TF: variants seen among roughly 807,000 people sequenced by gnomAD.
TF encodes the protein serotransferrin.
In TF, 55 loss-of-function variants were observed where a neutral mutation model predicts 82.4. The observed-to-expected ratio is 0.67, with a 90% CI of 0.54 to 0.84. The LOEUF (loss-of-function observed/expected upper bound fraction) is 0.84. TF is among the 40% of genes least tolerant of loss of function. The pLI, the probability that TF is intolerant of heterozygous loss-of-function variation, is 0.00. For missense variants in TF, 737 were observed against 868.4 expected (o/e 0.85, Z 1.90); for synonymous variants, 332 against 332.6 (o/e 1.00, Z 0.02).
At position 133,788,434 on chromosome 3, in the gene TF, G is replaced by A. The variant is rs1412748319; in HGVS notation, c.*9814G>A. The A allele has an allele frequency of 6.6e-6, 1 of 152,220 alleles. No homozygotes were observed. Among genetic ancestry groups the A allele is most frequent in the Non-Finnish European group, 1.5e-5 (1 of 68,048 alleles). 9.4% of individuals were successfully genotyped at this position (152,220 alleles called of 1,614,324 possible). A position where few individuals can be genotyped will look rare whatever the true frequency, so the allele number is the denominator to read the frequency against. On this transcript the variant is annotated 3_prime_UTR_variant, in exon 17 of 17. Transcript: ENST00000402696. ...CTAAGCACAGGCCTTCTCCCACCCTGTGGAGCGTACTTTCATTTCATAAAT... is the reference window on the plus strand; with the variant it reads ...CTAAGCACAGGCCTTCTCCCACCCTATGGAGCGTACTTTCATTTCATAAAT...
the TF span, among the ~76,000 whole-genome samples, chr3:133,707,102 T>A: frequency 6.6e-6 from 1 of 151,700 alleles, no homozygotes; most frequent in African/African-American, 2.4e-5. Context: ...GCAAGCATAC[T>A]TAGAGGATGG....
chr3:133,724,291 A>G, the TF span, among the ~76,000 whole-genome samples: 3 of 152,126 alleles, frequency 2.0e-5, no homozygotes, highest in African/African-American at 4.8e-5. Flanking sequence ...AAGTGTTCCT[A>G]TTTCTCCACA....
the TF span, among the ~76,000 whole-genome samples, chr3:133,721,798 T>C: frequency 6.6e-6 from 1 of 152,220 alleles, no homozygotes; most frequent in South Asian, 2.1e-4. Flanking sequence ...ACAATTGTTA[T>C]ATCTTCTTGT....
rs1370328516 is a variant in TF, at chr3:133,775,626, C to A, written c.1872+9C>A. The A allele has an allele frequency of 5.6e-6, 9 of 1,613,474 alleles. No homozygotes were observed. The highest frequency in any genetic ancestry group is 7.6e-6 in the Non-Finnish European group (9 of 1,179,908). On this transcript the variant is annotated intron_variant, in intron 15 of 16. Transcript: ENST00000402696. ...TATTACGTCAACAGCAGGTATGGACCAGCCAGGTCCTCCCACCTTTTCTTC... is the reference window on the plus strand; with the variant it reads ...TATTACGTCAACAGCAGGTATGGACAAGCCAGGTCCTCCCACCTTTTCTTC...
the TF span, among the ~76,000 whole-genome samples, chr3:133,669,240 G>A: frequency 6.6e-6 from 1 of 152,020 alleles, no homozygotes; most frequent in Non-Finnish European, 1.5e-5. Flanking sequence ...GACCTCAGGC[G>A]ATCCACCCAC....
At chr3:133,663,485 G>GAAAAAA in the TF span, among the ~76,000 whole-genome samples, 34 of 150,146 alleles carry the variant, frequency 2.3e-4, no homozygotes, top group Admixed American at 4.0e-4. Context: ...CTAGAGGTGG[G>GAAAAAA]AAAAAAAAGA....
upstream of TF, among the ~76,000 whole-genome samples, chr3:133,743,219 C>T (rs551981986): frequency 2.6e-5 from 4 of 152,250 alleles, no homozygotes; most frequent in East Asian, 7.7e-4. Flanking sequence ...CATGGCTGCC[C>T]CAATGATCTT....
At chr3:133,761,623 G>A (rs1933997371) in intron 9 of TF, 1 of 152,306 alleles carries the variant, frequency 6.6e-6, no homozygotes, top group Non-Finnish European at 1.5e-5. Flanking sequence ...TTAAGTGTAT[G>A]AAATCAGTAG....
At chr3:133,741,400 A>AC (rs1933387139), upstream of TF, among the ~76,000 whole-genome samples, 1 of 152,124 alleles carries the variant, frequency 6.6e-6, no homozygotes, top group African/African-American at 2.4e-5. Context: ...CAATCCTTTT[A>AC]CTTACTATTT....
chr3:133,767,940 T>C (rs376556642), intron 12 of TF, 89 bp from the exon 13 acceptor site: 83 of 1,507,506 alleles, frequency 5.5e-5, no homozygotes, highest in African/African-American at 1.9e-4. Context: ...GTTCTACTTA[T>C]TATGGGCCAT....
At chr3:133,696,607 T>G in the TF span, among the ~76,000 whole-genome samples, 1 of 152,218 alleles carries the variant, frequency 6.6e-6, no homozygotes, top group South Asian at 2.1e-4. Flanking sequence ...TCAATTCTCT[T>G]AGTCATTGAA....
In TF at chr3:133,771,459, C is replaced by T. The variant is rs531508132; in HGVS notation, c.1687+887C>T. ...AAGCAAGAATCAATGGGTGTTAAGC[C>T]GGGCGCAGTGGCTCACGCCTGTAAT... On this transcript the variant is annotated intron_variant, in intron 14 of 16. Transcript: ENST00000402696. Among the ~76,000 whole-genome samples the T allele has an allele frequency of 9.9e-5, 15 of 152,188 alleles. No individual in the cohort carries two copies. In the South Asian group the frequency reaches 1.7e-3, roughly 17 times the overall value.
intron 13 of TF, 129 bp downstream of exon 13, chr3:133,768,293 C>A: frequency 1.5e-6 from 2 of 1,315,808 alleles, no homozygotes; most frequent in Non-Finnish European, 2.1e-6. Flanking sequence ...GTATATTTCA[C>A]AACCAGATAT....
At chr3:133,737,493 C>CA in the TF span, among the ~76,000 whole-genome samples, 3 of 142,970 alleles carry the variant, frequency 2.1e-5, no homozygotes, top group Admixed American at 1.4e-4. Flanking sequence ...GGTAGAGACA[C>CA]ACAAAAAAAA....
the TF span, among the ~76,000 whole-genome samples, chr3:133,687,509 A>C: frequency 6.6e-6 from 1 of 152,214 alleles, no homozygotes; most frequent in South Asian, 2.1e-4. Flanking sequence ...TACAACCATC[A>C]TCTCTATCTA....
chr3:133,758,450 T>C (rs1156464947), intron 8 of TF, among the ~76,000 whole-genome samples: 1 of 152,212 alleles, frequency 6.6e-6, no homozygotes, highest in Non-Finnish European at 1.5e-5. Context: ...GGACATAGGA[T>C]GGCATGACAA....
At position 133,769,095 on chromosome 3, in the gene TF, C is replaced by T. The variant is rs907997052; in HGVS notation, c.1622+931C>T. Among the ~76,000 whole-genome samples, 98 of 152,090 alleles carry T rather than the reference C, an allele frequency of 6.4e-4. 5 individuals carry two copies. Among genetic ancestry groups the T allele is most frequent in the Non-Finnish European group, 2.9e-5 (2 of 68,010 alleles). ...CAGGCGTGGGCCACGTCTGGCCCTA[C>T]CTTATTACTTTTTAACTACCCATTC... On this transcript the variant is annotated intron_variant, in intron 13 of 16. Transcript: ENST00000402696.
At chr3:133,662,690 A>T in the TF span, among the ~76,000 whole-genome samples, 1 of 152,094 alleles carries the variant, frequency 6.6e-6, no homozygotes, top group East Asian at 1.9e-4. Flanking sequence ...AACCTTAGTG[A>T]TAACCAGCGG....
intron 9 of TF, among the ~76,000 whole-genome samples, chr3:133,763,829 T>C (rs1472013142): frequency 6.6e-6 from 1 of 152,238 alleles, no homozygotes; most frequent in Non-Finnish European, 1.5e-5. Context: ...CACGAGTCCC[T>C]GACTCCACTC....
Sources: allele counts gnomAD v4.1 joint callset (sites outside exome capture counted in the v4.1 genomes callset), GRCh38; gene constraint gnomAD v4.1.1; transcripts MANE v1.5; gene names NCBI Gene and HGNC (gene_info 2026-07-23, HGNC 2026-07-21).